Variants in CLASP2 observed in about 807,000 individuals in gnomAD.
CLASP2 encodes the protein CLIP-associating protein 2.
CLASP2 carries 47 observed loss-of-function variants against 194.4 expected under a neutral mutation model. The observed-to-expected ratio is 0.24, with a 90% CI of 0.19 to 0.31. The LOEUF is 0.31. CLASP2 is among the 10% of genes least tolerant of loss of function. The pLI is 1.00. For missense variants in CLASP2, 1,445 were observed against 1,823.6 expected (o/e 0.79, Z 3.78); for synonymous variants, 619 against 633.5 (o/e 0.98, Z 0.34).
intron 13 of CLASP2, among the ~76,000 whole-genome samples, chr3:33,609,516 A>G (rs1290321881): frequency 6.6e-5 from 10 of 151,768 alleles, no homozygotes; most frequent in Admixed American, 6.6e-5. Context: ...CTCATACTTG[A>G]GCTCCTCTCC....
Position 33,499,410 on chromosome 3 carries a change from C to T in CLASP2, c.4435-693G>A, listed in dbSNP as rs187587661. Among the ~76,000 whole-genome samples, 27 of 142,772 alleles carry T rather than the reference C, an allele frequency of 1.9e-4. 1 individual carries two copies. The highest frequency in any genetic ancestry group is 4.2e-4 in the East Asian group (2 of 4,806). 93.7% of individuals were successfully genotyped at this position (142,772 alleles called of 152,430 possible). A position where few individuals can be genotyped will look rare whatever the true frequency, so the allele number is the denominator to read the frequency against. ...TGTCACCCAGGCTGGAGTGTAGTGG[C>T]GCAATCTCAGCTCACTGCAAGCTCC... On this transcript the variant is annotated intron_variant, in intron 38 of 38. Transcript: ENST00000682230.
At chr3:33,703,714 G>A (rs992660795) in intron 1 of CLASP2, among the ~76,000 whole-genome samples, 21 of 152,296 alleles carry the variant, frequency 1.4e-4, no homozygotes, top group African/African-American at 4.3e-4. Flanking sequence ...TTGAACTCCT[G>A]GACTCAAGCA....
At chr3:33,600,228 C>T (rs1457630002) in intron 18 of CLASP2, among the ~76,000 whole-genome samples, 2 of 152,036 alleles carry the variant, frequency 1.3e-5, no homozygotes, top group Non-Finnish European at 2.9e-5. Flanking sequence ...TCTAGCACCT[C>T]CAATTTAACA....
chr3:33,710,107 C>T (rs377737951), intron 1 of CLASP2, among the ~76,000 whole-genome samples: 3 of 152,240 alleles, frequency 2.0e-5, no homozygotes, highest in African/African-American at 7.2e-5. Flanking sequence ...TCTACCTTTA[C>T]GTATGTTCAA....
intron 7 of CLASP2, among the ~76,000 whole-genome samples, chr3:33,653,068 G>T (rs2083485363): frequency 1.3e-5 from 2 of 152,056 alleles, no homozygotes; most frequent in Non-Finnish European, 2.9e-5. Context: ...AAATAATTTG[G>T]ATCAACAGCT....
chr3:33,603,039 C>T lies in CLASP2; in HGVS notation c.1837G>A (p.Ala613Thr). The T allele has an allele frequency of 6.2e-7, 1 of 1,604,660 alleles. No individual in the cohort carries two copies. The highest frequency in any genetic ancestry group is 8.5e-7 in the Non-Finnish European group (1 of 1,175,348). The change falls in exon 18 of 39, where the codon GCC becomes ACC. Residue 613 changes from alanine (A) to threonine (T), a missense_variant. Transcript: ENST00000682230. ...TGTCCAGCAGCATGATGTGCCTTGGCACCTGCAGCAGCATTCACATCAATG... is the reference window on the plus strand; with the variant it reads ...TGTCCAGCAGCATGATGTGCCTTGGTACCTGCAGCAGCATTCACATCAATG... ...SDIDVNAAAG[A>T]KAHHAAGQSV...
chr3:33,657,149 TA>T (rs753568733), intron 7 of CLASP2, among the ~76,000 whole-genome samples: 2 of 152,116 alleles, frequency 1.3e-5, no homozygotes, highest in South Asian at 2.1e-4. Context: ...AAACATCAGG[TA>T]GGGGCAGTAT....
intron 20 of CLASP2, among the ~76,000 whole-genome samples, chr3:33,594,431 T>C (rs985932090): frequency 2.6e-5 from 4 of 152,142 alleles, no homozygotes; most frequent in Admixed American, 6.5e-5. Context: ...CAGTAAGATA[T>C]GTATAGCAAT....
chr3:33,684,776 G>T (rs1178694653), intron 5 of CLASP2, among the ~76,000 whole-genome samples: 1 of 151,658 alleles, frequency 6.6e-6, no homozygotes, highest in African/African-American at 2.4e-5. Context: ...AAGGAGGGTG[G>T]ATTGCCTGAT....
At chr3:33,677,322 A>G (rs2088887949) in intron 6 of CLASP2, among the ~76,000 whole-genome samples, 1 of 151,010 alleles carries the variant, frequency 6.6e-6, no homozygotes, top group Non-Finnish European at 1.5e-5. Flanking sequence ...CAACAATGAT[A>G]GACTGGATTA....
chr3:33,671,801 G>C (rs1235091765), intron 6 of CLASP2, among the ~76,000 whole-genome samples: 2 of 152,220 alleles, frequency 1.3e-5, no homozygotes, highest in South Asian at 4.1e-4. Context: ...TCCTGCACCT[G>C]GCTCGGAGGG....
intron 1 of CLASP2, among the ~76,000 whole-genome samples, chr3:33,700,258 C>A (rs1488618067): frequency 6.6e-6 from 1 of 151,794 alleles, no homozygotes; most frequent in Non-Finnish European, 1.5e-5. Context: ...AAAACCCCAT[C>A]TCTACTAAAA....
chr3:33,648,028 G>A (rs566323838), intron 7 of CLASP2, among the ~76,000 whole-genome samples: 6 of 141,806 alleles, frequency 4.2e-5, no homozygotes, highest in Non-Finnish European at 7.7e-5. Context: ...GCGAGATTCC[G>A]TCTGCAAAAA....
intron 1 of CLASP2, among the ~76,000 whole-genome samples, chr3:33,703,984 G>A (rs1031621873): frequency 6.6e-6 from 1 of 152,218 alleles, no homozygotes; most frequent in Admixed American, 6.5e-5. Flanking sequence ...AAAGAAGTTA[G>A]CCTGAAAACG....
rs550618048 is a variant in CLASP2, at chr3:33,544,720, C to T, written c.3275G>A (p.Arg1092Gln). 7 of 1,612,318 alleles carry T rather than the reference C, an allele frequency of 4.3e-6. No individual in the cohort carries two copies. Among genetic ancestry groups the T allele is most frequent in the South Asian group, 1.1e-5 (1 of 90,670 alleles). The part of the protein sequence containing the change: ...GATKLLHNHL[R>Q]NTGNGTQSSM... ...TACCTGGGTTCCATTGCCAGTGTTT[C>T]GAAGGTGATTATGAAGAAGCTTGGT... is the stretch of plus-strand genomic sequence containing the variant. The change falls in exon 31 of 39, where the codon CGA becomes CAA. Residue 1092 changes from arginine (R) to glutamine (Q), a missense_variant. Arg to Gln is a conservative substitution (Grantham distance 43). Coordinates refer to ENST00000682230, the MANE Select transcript of CLASP2 (RefSeq NM_001365631.1).
intron 6 of CLASP2, among the ~76,000 whole-genome samples, chr3:33,673,695 C>T (rs1171758108): frequency 6.6e-6 from 1 of 152,128 alleles, no homozygotes; most frequent in Non-Finnish European, 1.5e-5. Context: ...ATTCAGGAAA[C>T]CCATCTCACG....
intron 9 of CLASP2, among the ~76,000 whole-genome samples, chr3:33,628,489 G>C (rs2078452042): frequency 6.6e-6 from 1 of 152,170 alleles, no homozygotes; most frequent in African/African-American, 2.4e-5. Flanking sequence ...ACAAGCAAAA[G>C]AAGCTTGAAA....
At chr3:33,658,664 G>GAATATGTT in intron 7 of CLASP2, among the ~76,000 whole-genome samples, 1 of 152,130 alleles carries the variant, frequency 6.6e-6, no homozygotes, top group East Asian at 1.9e-4. Flanking sequence ...CTTCCTCTAA[G>GAATATGTT]CTTCTGCACA....
chr3:33,517,091 T>G lies in CLASP2; in HGVS notation c.3871A>C (p.Ile1291Leu). The change falls in exon 35 of 39, where the codon ATT (isoleucine) becomes CTT (leucine). Residue 1291 changes from isoleucine (I) to leucine (L), a missense_variant. Physicochemically the swap from Ile to Leu is conservative, Grantham distance 5 (BLOSUM62 2). This residue lies in a region of CLASP2 where 732 missense variants were observed against 987.9 expected (regional missense o/e 0.74). Transcript: ENST00000682230. ...AGTTTCATAAGTTCATAGAGGGCAATTTTTCTTTCTTCTACACGCTCATTA... is the reference window on the plus strand; with the variant it reads ...AGTTTCATAAGTTCATAGAGGGCAAGTTTTCTTTCTTCTACACGCTCATTA... Reference protein sequence around the residue: ...NHNERVEERKIALYELMKLTQ... With the variant: ...NHNERVEERKLALYELMKLTQ... 2.5e-6 allele frequency: 4 copies of G among 1,613,668 alleles called. No individual in the cohort carries two copies. The highest frequency in any genetic ancestry group is 3.4e-6 in the Non-Finnish European group (4 of 1,179,754).
Sources: gnomAD v4.1 joint callset for allele counts (sites outside exome capture counted in the v4.1 genomes callset) on GRCh38, gnomAD v4.1.1 for gene constraint, gnomAD v4.1.1 regional missense constraint, MANE v1.5 for transcripts, NCBI Gene and HGNC (gene_info 2026-07-23, HGNC 2026-07-21) for gene names.